The following ATXN7L1 variants were observed in gnomAD, a reference collection of about 807,000 sequenced individuals.
ATXN7L1 encodes the protein ataxin 7 like 1.
Under a neutral mutation model 70.8 loss-of-function variants are expected in ATXN7L1, and 15 were observed. The observed-to-expected ratio is 0.21, with a 90% confidence interval of 0.14 to 0.33. ATXN7L1 has a LOEUF of 0.33. ATXN7L1 is among the 10% of genes least tolerant of loss of function. The pLI is 1.00. For missense variants in ATXN7L1, 975 were observed against 1,097.1 expected, an observed-to-expected ratio of 0.89 and a Z score of 1.57; for synonymous variants, 440 against 445.1, an observed-to-expected ratio of 0.99 and a Z score of 0.14.
At chr7:105,729,862 C>T (rs1007724534) in intron 3 of ATXN7L1, among the ~76,000 whole-genome samples, 7 of 151,980 alleles carry the variant, frequency 4.6e-5, no homozygotes, top group Non-Finnish European at 7.4e-5. Context: ...CTCAGCCTCC[C>T]GAGTAGCTGG....
Position 105,638,396 on chromosome 7 carries a change from C to A in ATXN7L1, c.1159G>T (p.Ala387Ser). 6.4e-7 allele frequency: 1 copy of A among 1,552,166 alleles called. No homozygotes were observed. Among genetic ancestry groups the A allele is most frequent in the South Asian group, 1.2e-5 (1 of 84,060 alleles). Reference sequence around the variant, plus strand: ...GGTGGTCTGGATTTTGCAGGGGATGCAACTTTTGGTTCTGGCCCAGAGCTC... The same window carrying A: ...GGTGGTCTGGATTTTGCAGGGGATGAAACTTTTGGTTCTGGCCCAGAGCTC... ...SGSSGPEPKV[A>S]SPAKSRPPNS... The change falls in exon 7 of 12, where the codon GCA becomes TCA. Residue 387 changes from alanine (A) to serine (S), a missense_variant. Transcript: ENST00000419735.
chr7:105,766,045 C>T (rs1164578731), intron 3 of ATXN7L1, among the ~76,000 whole-genome samples: 18 of 151,732 alleles, frequency 1.2e-4, no homozygotes. Context: ...TCTGGCTAGA[C>T]CAGAAACACA....
intron 7 of ATXN7L1, among the ~76,000 whole-genome samples, chr7:105,637,713 T>C (rs1289887518): frequency 2.6e-5 from 4 of 152,244 alleles, no homozygotes; most frequent in African/African-American, 9.6e-5. Flanking sequence ...CTGTTTTCTA[T>C]TTTTTCATTT....
At chr7:105,810,911 C>A (rs1808336132) in intron 2 of ATXN7L1, among the ~76,000 whole-genome samples, 1 of 152,146 alleles carries the variant, frequency 6.6e-6, no homozygotes, top group Non-Finnish European at 1.5e-5. Context: ...TGAACCTAAC[C>A]TGTTTCCTAG....
chr7:105,811,997 C>T (rs753345070), intron 2 of ATXN7L1, among the ~76,000 whole-genome samples: 1 of 152,236 alleles, frequency 6.6e-6, no homozygotes, highest in African/African-American at 2.4e-5. Flanking sequence ...CCAGCTTCCC[C>T]TTTCCCTTCT....
rs755821220 is a variant in ATXN7L1, at chr7:105,876,442, C to T, written c.117G>A (p.Pro39=). Residue 39 remains proline, a synonymous_variant, in exon 1 of 12, where the codon CCG becomes CCA. Coordinates refer to ENST00000419735, the MANE Select transcript of ATXN7L1 (RefSeq NM_020725.2). ...ACCAGGGTTTGCCCAGAAACGCCTCCGGACTGGGCACTTTGCGATCCAGTG... is the reference window on the plus strand; with the variant it reads ...ACCAGGGTTTGCCCAGAAACGCCTCTGGACTGGGCACTTTGCGATCCAGTG... ...MATLDRKVPS[P]EAFLGKPWSS... 2.1e-5 allele frequency: 34 copies of T among 1,613,654 alleles called. No individual in the cohort carries two copies. The highest frequency in any genetic ancestry group is 2.7e-5 in the Non-Finnish European group (32 of 1,179,802).
intron 3 of ATXN7L1, among the ~76,000 whole-genome samples, chr7:105,742,074 T>G (rs1798077465): frequency 6.6e-6 from 1 of 152,180 alleles, no homozygotes. Flanking sequence ...CCTCGCAAAC[T>G]AATGCAGTGG....
intron 2 of ATXN7L1, among the ~76,000 whole-genome samples, chr7:105,809,552 T>C (rs1808113106): frequency 6.6e-6 from 1 of 152,218 alleles, no homozygotes. Context: ...TCATTTAGCA[T>C]AGTGTCCTCA....
At chr7:105,641,701 C>A (rs953590171) in intron 5 of ATXN7L1, among the ~76,000 whole-genome samples, 1 of 152,246 alleles carries the variant, frequency 6.6e-6, no homozygotes, top group Non-Finnish European at 1.5e-5. Flanking sequence ...GTGCTGGGGG[C>A]TCCCGCCCGA....
At chr7:105,638,650 G>A (rs1377802636) in intron 6 of ATXN7L1, 41 bp from the exon 7 acceptor site, 3 of 1,513,036 alleles carry the variant, frequency 2.0e-6, no homozygotes, top group South Asian at 1.3e-5. Context: ...TCTTTGATCA[G>A]CACATAAACC....
intron 3 of ATXN7L1, among the ~76,000 whole-genome samples, chr7:105,770,569 G>C (rs1446833789): frequency 6.6e-6 from 1 of 152,148 alleles, no homozygotes; most frequent in Non-Finnish European, 1.5e-5. Flanking sequence ...AGTGTGTGCT[G>C]TGCTGACCTC....
chr7:105,778,531 A>AT, intron 3 of ATXN7L1, among the ~76,000 whole-genome samples: 1 of 148,300 alleles, frequency 6.7e-6, no homozygotes, highest in Non-Finnish European at 1.5e-5. Context: ...AAAAAAAAAA[A>AT]AAAACAAAGA....
chr7:105,624,306 T>C (rs1245739429), intron 7 of ATXN7L1, 39 bp from the exon 8 acceptor site: 3 of 1,320,172 alleles, frequency 2.3e-6, no homozygotes, highest in Non-Finnish European at 2.9e-6. Context: ...ATAAACCAAA[T>C]GAACCTTTTC....
chr7:105,748,556 C>A (rs1052765101), intron 3 of ATXN7L1, among the ~76,000 whole-genome samples: 6 of 152,222 alleles, frequency 3.9e-5, no homozygotes, highest in African/African-American at 1.4e-4. Flanking sequence ...GCAGACCCAG[C>A]ACCAATGTTG....
At chr7:105,782,303 C>G (rs1345672621) in intron 3 of ATXN7L1, among the ~76,000 whole-genome samples, 1 of 152,178 alleles carries the variant, frequency 6.6e-6, no homozygotes, top group Non-Finnish European at 1.5e-5. Context: ...TCTGTTTCCC[C>G]CTTTCTACAA....
intron 2 of ATXN7L1, among the ~76,000 whole-genome samples, chr7:105,860,655 G>T (rs919140493): frequency 2.0e-4 from 30 of 152,116 alleles, no homozygotes; most frequent in Non-Finnish European, 5.9e-5. Flanking sequence ...TATGAAGATT[G>T]GCTACACAAT....
intron 2 of ATXN7L1, among the ~76,000 whole-genome samples, chr7:105,815,182 A>G (rs1291800615): frequency 1.3e-5 from 2 of 152,204 alleles, no homozygotes; most frequent in African/African-American, 4.8e-5. Flanking sequence ...GTGCCTGAAG[A>G]ACCAGGTATT....
chr7:105,646,404 T>C (rs936047400), intron 4 of ATXN7L1, among the ~76,000 whole-genome samples: 27 of 152,124 alleles, frequency 1.8e-4, no homozygotes, highest in Non-Finnish European at 3.5e-4. Flanking sequence ...AGAGGATTGC[T>C]TGAGGCCAGG....
chr7:105,689,045 A>G (rs934759021), intron 3 of ATXN7L1, among the ~76,000 whole-genome samples: 1 of 152,176 alleles, frequency 6.6e-6, no homozygotes, highest in Non-Finnish European at 1.5e-5. Context: ...GGTTTGACGA[A>G]ATTACACAGA....
Sources: gnomAD v4.1 joint callset for allele counts (sites outside exome capture counted in the v4.1 genomes callset) on GRCh38, gnomAD v4.1.1 for gene constraint, MANE v1.5 for transcripts, NCBI Gene and HGNC (gene_info 2026-07-23, HGNC 2026-07-21) for gene names.